Variants in PLPP4 observed in about 807,000 individuals in gnomAD.
PLPP4 encodes phospholipid phosphatase 4, also known as diacylglycerol pyrophosphate like 2.
A neutral mutation model predicts 32.2 loss-of-function variants in PLPP4; 20 were observed. The ratio of observed to expected loss-of-function variants is 0.62; its 90% confidence interval spans 0.44 to 0.90. The LOEUF (loss-of-function observed/expected upper bound fraction) is 0.90, where lower values mean the gene tolerates loss of function less well. PLPP4 is among the 40% of genes least tolerant of loss of function. PLPP4 has a pLI of 0.00. For missense variants in PLPP4, 257 were observed against 353.1 expected (o/e 0.73, Z 2.18); for synonymous variants, 127 against 133.0 (o/e 0.95, Z 0.31).
chr10:120,552,290 C>T (rs566474100), intron 5 of PLPP4, among the ~76,000 whole-genome samples: 6 of 151,448 alleles, frequency 4.0e-5, no homozygotes, highest in Non-Finnish European at 8.8e-5. Flanking sequence ...CTTGTATCAC[C>T]AGAGAGAATA....
At chr10:120,556,307 C>T (rs1243178594) in intron 5 of PLPP4, among the ~76,000 whole-genome samples, 2 of 152,130 alleles carry the variant, frequency 1.3e-5, no homozygotes. Flanking sequence ...TTTTGTCTCT[C>T]TTAAAGCTGA....
chr10:120,560,348 A>G (rs564484895), intron 5 of PLPP4, among the ~76,000 whole-genome samples: 68 of 151,966 alleles, frequency 4.5e-4, no homozygotes, highest in Middle Eastern at 3.4e-3. Context: ...AAAAAAAGAA[A>G]GAAAAAAATC....
rs987372790 is a variant in PLPP4 at position 120,473,033 on chromosome 10, C to T, written c.56+15672C>T. Reference sequence around the variant, plus strand: ...TTTCCCTATCATCTTTTAACATATTCATAATGGAAAATCCCTTTCCACCAA... The same window carrying T: ...TTTCCCTATCATCTTTTAACATATTTATAATGGAAAATCCCTTTCCACCAA... On this transcript the variant is annotated intron_variant, in intron 1 of 6. Transcript: ENST00000398250. Among the ~76,000 whole-genome samples the T allele has an allele frequency of 1.2e-4, 19 of 152,256 alleles. No individual in the cohort carries two copies. In the East Asian group the frequency reaches 3.7e-3, roughly 29 times the overall value.
intron 1 of PLPP4, among the ~76,000 whole-genome samples, chr10:120,502,001 C>T (rs1356937430): frequency 1.3e-5 from 2 of 152,168 alleles, no homozygotes; most frequent in East Asian, 1.9e-4. Flanking sequence ...GGGCAGAGAG[C>T]TGATGCCCAG....
chr10:120,471,131 G>T (rs1341499743), intron 1 of PLPP4, among the ~76,000 whole-genome samples: 3 of 152,098 alleles, frequency 2.0e-5, no homozygotes, highest in African/African-American at 7.2e-5. Flanking sequence ...TATATTAAAA[G>T]AAGTTAGCCA....
At chr10:120,479,002 A>C (rs566833707) in intron 1 of PLPP4, among the ~76,000 whole-genome samples, 2 of 152,204 alleles carry the variant, frequency 1.3e-5, no homozygotes, top group Non-Finnish European at 2.9e-5. Context: ...CAAGGTGGGC[A>C]GATCATGAGG....
chr10:120,518,349 C>T (rs559103504), intron 3 of PLPP4, among the ~76,000 whole-genome samples: 15 of 152,202 alleles, frequency 9.9e-5, no homozygotes, highest in Admixed American at 3.3e-4. Flanking sequence ...GGACAGCTGT[C>T]GGCCGGTGAT....
intron 6 of PLPP4, among the ~76,000 whole-genome samples, chr10:120,584,565 C>G (rs1434960016): frequency 6.6e-6 from 1 of 152,192 alleles, no homozygotes; most frequent in Middle Eastern, 3.2e-3. Context: ...ATTTATTTCC[C>G]TTTTGAGACT....
chr10:120,504,280 T>C (rs2133868072), intron 2 of PLPP4, among the ~76,000 whole-genome samples: 1 of 152,360 alleles, frequency 6.6e-6, no homozygotes, highest in East Asian at 1.9e-4. Context: ...TTATCCCTTA[T>C]GCAGCTTGTC....
At chr10:120,520,205 C>T (rs79388422) in intron 4 of PLPP4, among the ~76,000 whole-genome samples, 1,545 of 152,278 alleles carry the variant, frequency 0.01, 11 homozygotes, top group South Asian at 0.024. Context: ...CTATGTGCCT[C>T]TAGAGATCTC....
chr10:120,550,699 G>A (rs779454649), intron 5 of PLPP4, among the ~76,000 whole-genome samples: 22 of 151,806 alleles, frequency 1.4e-4, no homozygotes, highest in Non-Finnish European at 2.7e-4. Context: ...CTGAATAAAA[G>A]TGTGGGAAAA....
At chr10:120,511,751 CA>C (rs1280817246) in intron 2 of PLPP4, among the ~76,000 whole-genome samples, 1 of 152,164 alleles carries the variant, frequency 6.6e-6, no homozygotes, top group Non-Finnish European at 1.5e-5. Flanking sequence ...AAGTCTAAGG[CA>C]TAATTCTCAA....
chr10:120,583,926 CAG>C (rs1453739548), intron 6 of PLPP4, among the ~76,000 whole-genome samples: 1 of 152,112 alleles, frequency 6.6e-6, no homozygotes, highest in Admixed American at 6.5e-5. Context: ...GATGGCAGGC[CAG>C]AGAGAGAGCA....
At chr10:120,467,358 G>A (rs1848376936) in intron 1 of PLPP4, among the ~76,000 whole-genome samples, 1 of 64,346 alleles carries the variant, frequency 1.6e-5, no homozygotes, top group African/African-American at 3.3e-5. Context: ...CCAAAGTGCT[G>A]GGATTACAGG....
intron 1 of PLPP4, among the ~76,000 whole-genome samples, chr10:120,467,132 G>T (rs1456566740): frequency 6.9e-6 from 1 of 145,424 alleles, no homozygotes; most frequent in African/African-American, 2.5e-5. Flanking sequence ...AGGCTGGACT[G>T]CAGTGGCACA....
chr10:120,503,135 T>C (rs1355005611), intron 1 of PLPP4, among the ~76,000 whole-genome samples: 4 of 152,218 alleles, frequency 2.6e-5, no homozygotes, highest in Non-Finnish European at 5.9e-5. Context: ...GGAATTCTCA[T>C]TCCATGCTCC....
At chr10:120,544,052 T>C (rs923646509) in intron 5 of PLPP4, among the ~76,000 whole-genome samples, 12 of 152,236 alleles carry the variant, frequency 7.9e-5, no homozygotes, top group African/African-American at 2.7e-4. Flanking sequence ...TTTTAGCTAT[T>C]GCGAATAATG....
At chr10:120,461,670 G>A (rs967425682) in intron 1 of PLPP4, among the ~76,000 whole-genome samples, 1 of 152,184 alleles carries the variant, frequency 6.6e-6, no homozygotes, top group African/African-American at 2.4e-5. Flanking sequence ...AGGCCAGGTG[G>A]CCCCCAGTAC....
rs1849976894 is a variant in PLPP4, at chr10:120,591,034, G to A, written c.*1532G>A. On this transcript the variant is annotated 3_prime_UTR_variant, in exon 7 of 7. Coordinates refer to ENST00000398250, the MANE Select transcript of PLPP4 (RefSeq NM_001030059.3). ...TCTGCCCACCTCGGCCTCCCAAAGT[G>A]CTGGGATTATAAGCGTGAGCCACTG... Among the ~76,000 whole-genome samples the A allele has an allele frequency of 6.6e-6, 1 of 152,138 alleles. No individual in the cohort carries two copies. Among genetic ancestry groups the A allele is most frequent in the Non-Finnish European group, 1.5e-5 (1 of 68,028 alleles).
Sources: allele counts gnomAD v4.1 joint callset (sites outside exome capture counted in the v4.1 genomes callset), GRCh38; gene constraint gnomAD v4.1.1; transcripts MANE v1.5; gene names NCBI Gene and HGNC (gene_info 2026-07-23, HGNC 2026-07-21).